The following GNAS variants were observed in gnomAD, a reference collection of about 807,000 sequenced individuals.
GNAS encodes the protein protein ALEX.
GNAS carries 8 observed loss-of-function variants against 54.5 expected under a neutral mutation model. The ratio of observed to expected loss-of-function variants is 0.15; its 90% CI spans 0.09 to 0.26. The LOEUF is 0.26. Among genes scored for constraint, GNAS ranks in the 10% least tolerant of loss-of-function variants. The probability of loss-of-function intolerance (pLI) is 1.00; values close to 1 mark genes in which losing one functional copy is unlikely to be tolerated. For synonymous variants in GNAS, 204 were observed against 191.4 expected (o/e 1.07, Z -0.54); for missense variants, 170 against 529.8 (o/e 0.32, Z 6.67).
At chr20:58,851,939 A>G (rs948395325) in intron 1 of GNAS, among the ~76,000 whole-genome samples, 1 of 152,120 alleles carries the variant, frequency 6.6e-6, no homozygotes, top group East Asian at 1.9e-4. Context: ...CATGGTATTT[A>G]TCTGTGGGTT....
intron 1 of GNAS, chr20:58,854,457 G>A: frequency 6.3e-7 from 1 of 1,578,806 alleles, no homozygotes; most frequent in East Asian, 2.4e-5. Context: ...AGCCCCTGCA[G>A]CCCCAGCCGA....
chr20:58,892,352 AAG>A (rs947272557), intron 1 of GNAS: 10 of 173,876 alleles, frequency 5.8e-5, no homozygotes, highest in Non-Finnish European at 7.5e-5. Context: ...GGGAGAGGGA[AAG>A]AGGGGAAGAA....
upstream of GNAS, chr20:58,840,202 C>T (rs752818515): frequency 5.6e-6 from 9 of 1,611,356 alleles, no homozygotes; most frequent in South Asian, 8.8e-5. This position sits in a 1 kb window ranked among gnomAD's most constrained non-coding sequence, Gnocchi z 6.0. Context: ...CCACCGCGCT[C>T]CTCTGGCTCT....
chr20:58,855,051 C>T (rs1196320079), intron 1 of GNAS: 1 of 1,612,902 alleles, frequency 6.2e-7, no homozygotes, highest in East Asian at 2.2e-5. Flanking sequence ...TCAGCATCGG[C>T]GAAATCGCCG....
Position 58,911,114 on chromosome 20 carries a change from TAAAAGAAAC to T in GNAS, c.*289_*297del, listed in dbSNP as rs2091411673. On this transcript the variant is annotated 3_prime_UTR_variant, in exon 13 of 13. Coordinates refer to ENST00000371085, the MANE Select transcript of GNAS (RefSeq NM_000516.7). ...GCAGCAGCAAACAAATAAAATGAAA[TAAAAGAAAC>T]AAATGAAATAAATATTGTGTTGTGC... The T allele has an allele frequency of 1.8e-6, 1 of 571,410 alleles. No homozygotes were observed. The highest frequency in any genetic ancestry group is 3.2e-6 in the Non-Finnish European group (1 of 310,956). 35.4% of individuals were successfully genotyped at this position (571,410 alleles called of 1,614,324 possible).
chr20:58,848,389 T>C (rs1245225925), intron 1 of GNAS, among the ~76,000 whole-genome samples: 1 of 152,128 alleles, frequency 6.6e-6, no homozygotes, highest in Non-Finnish European at 1.5e-5. Flanking sequence ...GGCACCAGCC[T>C]CTCCTGACTT....
chr20:58,905,214 T>C (rs2090957104), intron 5 of GNAS, among the ~76,000 whole-genome samples, 169 bp from the exon 6 acceptor site: 1 of 152,346 alleles, frequency 6.6e-6, no homozygotes, highest in East Asian at 1.9e-4. Context: ...ATGTTTAACG[T>C]GTTGAATTAA....
Position 58,911,082 on chromosome 20 carries a change from T to TAA in GNAS, c.*256_*257dup. The stretch of plus-strand genomic sequence containing the variant: ...CCCTCTCACTTTCAGTAAAAATAAA[T>TAA]AAAACAGCAGCAGCAAACAAATAAA... On this transcript the variant is annotated 3_prime_UTR_variant, in exon 13 of 13. Transcript: ENST00000371085. The TAA allele has an allele frequency of 1.6e-6, 1 of 639,500 alleles. No individual in the cohort carries two copies. The highest frequency in any genetic ancestry group is 3.0e-5 in the East Asian group (1 of 33,032). The allele number at this position is 639,500 out of a possible 1,614,324, so 39.6% of individuals were successfully genotyped here.
At position 58,873,164 on chromosome 20, in the gene GNAS, A is replaced by C. The variant is rs954802209; in HGVS notation, c.44-22448A>C. 9.2e-5 allele frequency among the ~76,000 whole-genome samples: 14 copies of C among 152,190 alleles called. No homozygotes were observed. The highest frequency in any genetic ancestry group is 1.9e-4 in the Non-Finnish European group (13 of 68,044). On this transcript the variant is annotated intron_variant, in intron 1 of 12. Coordinates refer to the GNAS transcript ENST00000306090. The surrounding 1 kb of genome is among the most constrained non-coding windows in gnomAD (Gnocchi z 4.3). ...ATTAGGGGCCAGTGTTGGGGAAAATAATTGCTGATCTAATAGCTATGAAAA... is the reference window on the plus strand; with the variant it reads ...ATTAGGGGCCAGTGTTGGGGAAAATCATTGCTGATCTAATAGCTATGAAAA...
At chr20:58,852,933 A>G in intron 1 of GNAS, 1 of 871,908 alleles carries the variant, frequency 1.1e-6, no homozygotes, top group Non-Finnish European at 1.4e-6. Flanking sequence ...GTCAGATCCA[A>G]GCAGGCGGGA....
In GNAS at chr20:58,903,684, G is replaced by T. The variant is rs2090847079; in HGVS notation, c.325G>T (p.Ala109Ser). ...AAATCATTTTCAGACCATTGTGGCC[G>T]CCATGAGCAACCTGGTGCCCCCCGT... ...LKEAIETIVA[A>S]MSNLVPPVEL... The change falls in exon 5 of 13, where the codon GCC (alanine) becomes TCC (serine). Residue 109 changes from alanine to serine, a missense_variant. Ala to Ser is a moderately conservative substitution (Grantham distance 99). Transcript: ENST00000371085. 1 of 1,613,974 alleles carries T rather than the reference G, an allele frequency of 6.2e-7. No individual in the cohort carries two copies. The highest frequency in any genetic ancestry group is 8.5e-7 in the Non-Finnish European group (1 of 1,179,970).
intron 2 of GNAS, among the ~76,000 whole-genome samples, chr20:58,896,703 C>T (rs113642378): frequency 0.011 from 1,680 of 151,890 alleles, 31 homozygotes; most frequent in African/African-American, 0.038. Flanking sequence ...GAGCATTAAC[C>T]GCACTAGATT....
At chr20:58,890,886 CCTG>C (rs936581624), upstream of GNAS, 2 of 152,412 alleles carry the variant, frequency 1.3e-5, no homozygotes, top group African/African-American at 4.8e-5. Flanking sequence ...TTTCCACACT[CCTG>C]CTCTCTGGCT....
At position 58,891,547 on chromosome 20, in the gene GNAS, G is replaced by A; in HGVS notation, c.-180G>A. 3 of 972,066 alleles carry A rather than the reference G, an allele frequency of 3.1e-6. No individual in the cohort carries two copies. The highest frequency in any genetic ancestry group is 3.7e-6 in the Non-Finnish European group (3 of 821,632). The allele number at this position is 972,066 out of a possible 1,614,324, so 60.2% of individuals were successfully genotyped here. A position where few individuals can be genotyped will look rare whatever the true frequency, so the allele number is the denominator to read the frequency against. On this transcript the variant is annotated 5_prime_UTR_variant, in exon 1 of 13. Coordinates refer to ENST00000371085, the MANE Select transcript of GNAS (RefSeq NM_000516.7). ...GTCCGACCGACACCCTCCCCTTCCCGCCCGTCCGCGCGCCCCGCGGCCCGC... is the reference window on the plus strand; with the variant it reads ...GTCCGACCGACACCCTCCCCTTCCCACCCGTCCGCGCGCCCCGCGGCCCGC...
At chr20:58,874,903 A>G (rs1313309477) in intron 1 of GNAS, among the ~76,000 whole-genome samples, 2 of 152,250 alleles carry the variant, frequency 1.3e-5, no homozygotes, top group African/African-American at 2.4e-5. Flanking sequence ...TTTAATTTCC[A>G]GAATTTAATT....
chr20:58,880,170 G>T (rs911875136), intron 1 of GNAS, among the ~76,000 whole-genome samples: 2 of 152,186 alleles, frequency 1.3e-5, no homozygotes, highest in Admixed American at 1.3e-4. Context: ...GGCAGAAGAA[G>T]GGGCAATGGC....
intron 6 of GNAS, chr20:58,908,860 C>G: frequency 2.1e-6 from 1 of 482,770 alleles, no homozygotes; most frequent in East Asian, 3.7e-5. Flanking sequence ...AAAGCCCCAC[C>G]ACCGTGCTGT....
At chr20:58,905,027 T>A (rs2090945191) in intron 5 of GNAS, among the ~76,000 whole-genome samples, 1 of 152,206 alleles carries the variant, frequency 6.6e-6, no homozygotes, top group Non-Finnish European at 1.5e-5. Context: ...TTTCACAACA[T>A]TGAACCATTT....
At chr20:58,854,598 G>A (rs1288549563) in intron 1 of GNAS, 5 of 1,543,086 alleles carry the variant, frequency 3.2e-6, no homozygotes, top group Non-Finnish European at 4.3e-6. Flanking sequence ...CGACTCCGGG[G>A]CGGCCCCTGA....
Sources: gnomAD v4.1 joint callset for allele counts (sites outside exome capture counted in the v4.1 genomes callset) on GRCh38, gnomAD v4.1.1 for gene constraint, Gnocchi (gnomAD v3.1) non-coding constraint, MANE v1.5 for transcripts, NCBI Gene and HGNC (gene_info 2026-07-23, HGNC 2026-07-21) for gene names.